Variants in ZSCAN5A observed in about 807,000 individuals in gnomAD.
ZSCAN5A encodes zinc finger and SCAN domain containing 5A.
ZSCAN5A carries 12 observed loss-of-function variants against 23.7 expected under a neutral mutation model. That is an observed-to-expected ratio of 0.51 (90% CI 0.32 to 0.82). The LOEUF (loss-of-function observed/expected upper bound fraction) is 0.82, where lower values mean the gene tolerates loss of function less well. Ranked by LOEUF, ZSCAN5A falls within the 40% of genes least tolerant of loss-of-function variation. The pLI, the probability that ZSCAN5A is intolerant of heterozygous loss-of-function variation, is 0.03. For synonymous variants in ZSCAN5A, 257 were observed against 239.9 expected (o/e 1.07, Z -0.66); for missense variants, 597 against 617.9 (o/e 0.97, Z 0.36).
chr19:56,281,119 AG>A (rs1415000941), intron 2 of ZSCAN5A, among the ~76,000 whole-genome samples: 1 of 152,236 alleles, frequency 6.6e-6, no homozygotes, highest in Non-Finnish European at 1.5e-5. Flanking sequence ...GGGAAGCTAG[AG>A]AAAAGAAAAT....
intron 2 of ZSCAN5A, among the ~76,000 whole-genome samples, chr19:56,260,187 T>C (rs2037017920): frequency 6.6e-6 from 1 of 151,724 alleles, no homozygotes; most frequent in Non-Finnish European, 1.5e-5. Flanking sequence ...TATATAGATT[T>C]TGTTTTAGTA....
intron 2 of ZSCAN5A, among the ~76,000 whole-genome samples, chr19:56,256,130 G>T (rs2036675649): frequency 6.6e-6 from 1 of 152,106 alleles, no homozygotes; most frequent in South Asian, 2.1e-4. Context: ...ACAGAAAAAA[G>T]GATAATGGAG....
chr19:56,282,802 GATA>G (rs2038813347), intron 2 of ZSCAN5A, among the ~76,000 whole-genome samples: 1 of 152,202 alleles, frequency 6.6e-6, no homozygotes, highest in South Asian at 2.1e-4. Context: ...ACCTGACATC[GATA>G]ATAATATTTG....
intron 2 of ZSCAN5A, among the ~76,000 whole-genome samples, chr19:56,231,337 A>T (rs2034445730): frequency 6.6e-6 from 1 of 152,226 alleles, no homozygotes; most frequent in Admixed American, 6.5e-5. Context: ...ATTATGTTGT[A>T]CACCAAAAAT....
intron 1 of ZSCAN5A, among the ~76,000 whole-genome samples, chr19:56,366,519 T>G (rs1435766178): frequency 6.6e-6 from 1 of 151,602 alleles, no homozygotes; most frequent in Non-Finnish European, 1.5e-5. Flanking sequence ...GTAGCCTGAA[T>G]TCTTAACCTA....
intron 2 of ZSCAN5A, among the ~76,000 whole-genome samples, chr19:56,291,078 C>T (rs373723842): frequency 1.3e-5 from 2 of 152,292 alleles, no homozygotes; most frequent in African/African-American, 4.8e-5. Flanking sequence ...GGGTCTGGGG[C>T]TACATGCAGG....
chr19:56,327,623 A>G (rs543683591), intron 2 of ZSCAN5A, among the ~76,000 whole-genome samples: 1 of 151,448 alleles, frequency 6.6e-6, no homozygotes. Flanking sequence ...CCCAAAATGC[A>G]TATTTTACAA....
intron 2 of ZSCAN5A, chr19:56,243,908 T>C (rs1170096773): frequency 4.0e-6 from 2 of 505,790 alleles, no homozygotes; most frequent in Non-Finnish European, 7.0e-6. Context: ...GGGCTCATGT[T>C]TTTTTTTGCA....
intron 2 of ZSCAN5A, among the ~76,000 whole-genome samples, chr19:56,259,062 C>G (rs2036934404): frequency 6.6e-6 from 1 of 152,082 alleles, no homozygotes; most frequent in Admixed American, 6.5e-5. Flanking sequence ...CTGAGCCTAA[C>G]CACCCAGCTG....
At chr19:56,353,847 A>T (rs756932769) in intron 2 of ZSCAN5A, among the ~76,000 whole-genome samples, 2 of 152,196 alleles carry the variant, frequency 1.3e-5, no homozygotes, top group Non-Finnish European at 2.9e-5. Flanking sequence ...CAGTGGGAGC[A>T]AGAATATTAG....
chr19:56,306,059 A>C (rs1317297078), intron 2 of ZSCAN5A, among the ~76,000 whole-genome samples: 1 of 152,138 alleles, frequency 6.6e-6, no homozygotes, highest in Non-Finnish European at 1.5e-5. Context: ...AGATTAGAGC[A>C]AGCATTTTAG....
At chr19:56,227,212 T>C (rs1446699482) in intron 2 of ZSCAN5A, among the ~76,000 whole-genome samples, 1 of 152,264 alleles carries the variant, frequency 6.6e-6, no homozygotes, top group Non-Finnish European at 1.5e-5. Context: ...AGGTAGGGCA[T>C]ATGAATATTA....
intron 2 of ZSCAN5A, among the ~76,000 whole-genome samples, chr19:56,262,463 C>A (rs1278122755): frequency 2.0e-5 from 3 of 150,798 alleles, no homozygotes; most frequent in African/African-American, 7.3e-5. Context: ...CTCCTGTTGC[C>A]CAGGCTGGCG....
chr19:56,294,827 C>T (rs989485664), intron 2 of ZSCAN5A, among the ~76,000 whole-genome samples: 3 of 152,230 alleles, frequency 2.0e-5, no homozygotes, highest in Non-Finnish European at 2.9e-5. Flanking sequence ...ACACAGGACA[C>T]AACATAAACG....
intron 2 of ZSCAN5A, chr19:56,347,073 C>G (rs963420282): frequency 6.6e-6 from 1 of 152,222 alleles, no homozygotes; most frequent in Non-Finnish European, 1.5e-5. Context: ...AAACGCCACA[C>G]GCTGAGACAA....
Position 56,223,668 on chromosome 19 carries a change from T to C in ZSCAN5A, c.551A>G (p.Gln184Arg), listed in dbSNP as rs779383095. ...CAATGCAGGGACCCTGGGCAGGATC[T>C]GCAGCTCTCGGTGGGCCTGGCCTTC... Reference protein sequence around the residue: ...PGEGQAHRELQILPRVPALSR... With the variant: ...PGEGQAHRELRILPRVPALSR... Residue 184 changes from glutamine (Q) to arginine (R), a missense_variant, in exon 4 of 6, where the codon CAG (glutamine) becomes CGG (arginine). Transcript: ENST00000683990. The C allele has an allele frequency of 6.2e-7, 1 of 1,613,864 alleles. No individual in the cohort carries two copies. Among genetic ancestry groups the C allele is most frequent in the Non-Finnish European group, 8.5e-7 (1 of 1,179,978 alleles).
intron 1 of ZSCAN5A, among the ~76,000 whole-genome samples, chr19:56,364,044 G>A (rs2041750052): frequency 6.6e-6 from 1 of 152,154 alleles, no homozygotes; most frequent in South Asian, 2.1e-4. Context: ...ATGGCAGAAA[G>A]GTCTCAAAGG....
chr19:56,322,892 C>CTTTT (rs397859568), intron 2 of ZSCAN5A, among the ~76,000 whole-genome samples: 21 of 126,810 alleles, frequency 1.7e-4, no homozygotes, highest in South Asian at 2.5e-4. Flanking sequence ...TTATTGGTTT[C>CTTTT]TTTTTTTTTT....
At chr19:56,304,800 G>A (rs2040576559) in intron 2 of ZSCAN5A, 1 of 985,380 alleles carries the variant, frequency 1.0e-6, no homozygotes, top group South Asian at 4.7e-5. Flanking sequence ...AAGTGTTACT[G>A]CCACTACTGT....
Sources: gnomAD v4.1 joint callset for allele counts (sites outside exome capture counted in the v4.1 genomes callset) on GRCh38, gnomAD v4.1.1 for gene constraint, MANE v1.5 for transcripts, NCBI Gene and HGNC (gene_info 2026-07-23, HGNC 2026-07-21) for gene names.